Variants in PCDHGB5 observed in about 807,000 individuals in gnomAD.
PCDHGB5 encodes the protein protocadherin gamma-B5.
PCDHGB5 carries 48 observed loss-of-function variants against 62.9 expected under a neutral mutation model. That is an observed-to-expected ratio of 0.76 (90% confidence interval 0.61 to 0.97). PCDHGB5 has a LOEUF of 0.97. Among genes scored for constraint, PCDHGB5 ranks in the 50% least tolerant of loss-of-function variants. The pLI is 0.00. For synonymous variants in PCDHGB5, 474 were observed against 511.2 expected (o/e 0.93, Z 0.98); for missense variants, 1,118 against 1,198.6 (o/e 0.93, Z 0.99).
chr5:141,413,762 C>T (rs538764130), intron 1 of PCDHGB5: 3 of 1,612,894 alleles, frequency 1.9e-6, no homozygotes, highest in Admixed American at 1.7e-5. Flanking sequence ...GTCAAGTACC[C>T]GGAGCTGGTA....
At chr5:141,469,948 T>C (rs1258593339) in intron 1 of PCDHGB5, among the ~76,000 whole-genome samples, 2 of 152,110 alleles carry the variant, frequency 1.3e-5, no homozygotes, top group Admixed American at 1.3e-4. Flanking sequence ...CTGGCCAGCA[T>C]GGTGAAACCC....
intron 1 of PCDHGB5, among the ~76,000 whole-genome samples, chr5:141,474,357 T>G (rs185194067): frequency 2.0e-4 from 30 of 152,302 alleles, no homozygotes; most frequent in African/African-American, 6.5e-4. Context: ...AAGTCATGTC[T>G]CAGTAGGTCT....
In PCDHGB5 at chr5:141,511,261, G is replaced by A; in HGVS notation, c.*88G>A. On this transcript the variant is annotated 3_prime_UTR_variant, in exon 4 of 4. Transcript: ENST00000617380. The stretch of plus-strand genomic sequence containing the variant: ...CTGCACCCAGGCCTCAGAGTTTCAG[G>A]GCTAACCCCCAGAATACTGGTAGGG... 2 of 1,557,474 alleles carry A rather than the reference G, an allele frequency of 1.3e-6. No homozygotes were observed. The highest frequency in any genetic ancestry group is 1.4e-5 in the African/African-American group (1 of 73,440).
intron 2 of PCDHGB5, 84 bp downstream of exon 2, chr5:141,494,949 C>A (rs1193148622): frequency 6.2e-7 from 1 of 1,606,850 alleles, no homozygotes; most frequent in Non-Finnish European, 8.5e-7. Context: ...GAGGGCCCAG[C>A]ATTTGCTACA....
Position 141,423,542 on chromosome 5 carries a change from C to T in PCDHGB5, c.2397+23018C>T, listed in dbSNP as rs755766737. 4.3e-6 allele frequency: 7 copies of T among 1,613,616 alleles called. No individual in the cohort carries two copies. The African/African-American group carries it at 6.7e-5, about 15-fold the overall frequency. The stretch of plus-strand genomic sequence containing the variant: ...TCGCAGAAGAGTCACCTGATTTTCC[C>T]CCAGCCCAACTATGGGGACACGCTC... On this transcript the variant is annotated intron_variant, in intron 1 of 3. Transcript: ENST00000617380.
rs1333419586 is a variant in PCDHGB5 at position 141,485,206 on chromosome 5, C to T, written c.2398-9601C>T. 1 of 1,614,116 alleles carries T rather than the reference C, an allele frequency of 6.2e-7. No individual in the cohort carries two copies. The highest frequency in any genetic ancestry group is 8.5e-7 in the Non-Finnish European group (1 of 1,179,946). ...GCAAGGTGAGAAGCTGGACAGAAAT[C>T]TGGCGGTGGGCTACCCTTTTGTTCC... On this transcript the variant is annotated intron_variant, in intron 1 of 3. Coordinates refer to ENST00000617380, the MANE Select transcript of PCDHGB5 (RefSeq NM_018925.3). The surrounding 1 kb of genome is among the most constrained non-coding windows in gnomAD (Gnocchi z 5.7).
In PCDHGB5 at chr5:141,398,815, A is replaced by G. The variant is rs1369560562; in HGVS notation, c.688A>G (p.Ile230Val). Residue 230 changes from isoleucine (I) to valine (V), a missense_variant, in exon 1 of 4, where the codon ATC (isoleucine) becomes GTC (valine). Ile to Val is a conservative substitution (Grantham distance 29). Coordinates refer to ENST00000617380, the MANE Select transcript of PCDHGB5 (RefSeq NM_018925.3). ...CCTAAGCGGCACCACTGAGCTCCGG[A>G]TCCAGGTAACCGACGCCAATGATAA... Reference protein sequence around the residue: ...PPLSGTTELRIQVTDANDNPP... With the variant: ...PPLSGTTELRVQVTDANDNPP... 1 of 1,613,870 alleles carries G rather than the reference A, an allele frequency of 6.2e-7. No individual in the cohort carries two copies. The highest frequency in any genetic ancestry group is 2.2e-5 in the East Asian group (1 of 44,890).
In PCDHGB5 at chr5:141,423,718, A is replaced by G. The variant is rs1450410707; in HGVS notation, c.2397+23194A>G. The G allele has an allele frequency of 4.8e-6, 5 of 1,049,028 alleles. No homozygotes were observed. In the East Asian group the frequency reaches 2.9e-4, roughly 60 times the overall value. 65.0% of individuals were successfully genotyped at this position (1,049,028 alleles called of 1,614,324 possible). On this transcript the variant is annotated intron_variant, in intron 1 of 3. Coordinates refer to ENST00000617380, the MANE Select transcript of PCDHGB5 (RefSeq NM_018925.3). The stretch of plus-strand genomic sequence containing the variant: ...GTGTCTTGGCACAAGTCTTTTAAGG[A>G]GATGTTTTTTGAGCCTGTTATGAAA...
chr5:141,470,837 G>A (rs932315417), intron 1 of PCDHGB5, among the ~76,000 whole-genome samples: 4 of 151,948 alleles, frequency 2.6e-5, no homozygotes, highest in Non-Finnish European at 4.4e-5. Flanking sequence ...ACAAACACAC[G>A]CCACCATGCT....
intron 1 of PCDHGB5, chr5:141,408,120 C>T (rs1375123891): frequency 3.4e-6 from 5 of 1,475,704 alleles, no homozygotes. Flanking sequence ...TCCTCCTGTC[C>T]TGGGCCGAAT....
chr5:141,428,061 G>A (rs755817800), intron 1 of PCDHGB5: 1 of 1,609,154 alleles, frequency 6.2e-7, no homozygotes, highest in South Asian at 1.1e-5. Flanking sequence ...GGTGGCGGTG[G>A]ACGCAGATTC....
chr5:141,421,353 G>C, intron 1 of PCDHGB5: 1 of 1,613,998 alleles, frequency 6.2e-7, no homozygotes, highest in Non-Finnish European at 8.5e-7. Flanking sequence ...AGACCGAAAA[G>C]GGCTCCTTCG....
chr5:141,421,614 T>C (rs552534116), intron 1 of PCDHGB5: 3 of 1,613,810 alleles, frequency 1.9e-6, no homozygotes, highest in South Asian at 2.2e-5. Flanking sequence ...ATATTAATGA[T>C]AACGCCCCCA....
intron 3 of PCDHGB5, 162 bp downstream of exon 3, chr5:141,505,643 T>C: frequency 1.0e-6 from 1 of 967,852 alleles, no homozygotes. Context: ...AAGCCTGGAA[T>C]TGTGGCTAAG....
rs1554175372 is a variant in PCDHGB5, at chr5:141,490,827, G to A, written c.2398-3980G>A. ...CCTTTGACTATGAATTGCTGCAGAT[G>A]CTGCAGATTGTGGTGGGGGTTCGAG... On this transcript the variant is annotated intron_variant, in intron 1 of 3. Transcript: ENST00000617380. This position sits in a 1 kb window ranked among gnomAD's most constrained non-coding sequence, Gnocchi z 5.4. 1 of 1,613,744 alleles carries A rather than the reference G, an allele frequency of 6.2e-7. No individual in the cohort carries two copies. Among genetic ancestry groups the A allele is most frequent in the Non-Finnish European group, 8.5e-7 (1 of 1,179,828 alleles).
intron 1 of PCDHGB5, among the ~76,000 whole-genome samples, chr5:141,434,029 A>C (rs970204484): frequency 2.6e-5 from 4 of 152,126 alleles, no homozygotes; most frequent in Admixed American, 2.6e-4. Context: ...TTCTGGAAGC[A>C]TGGTTTTCTA....
intron 1 of PCDHGB5, among the ~76,000 whole-genome samples, chr5:141,446,022 T>C (rs2098484874): frequency 1.3e-5 from 2 of 152,198 alleles, no homozygotes; most frequent in Admixed American, 1.3e-4. Flanking sequence ...TATGGCAATA[T>C]TCCTGGTAAG....
chr5:141,471,717 C>T (rs1196344901), intron 1 of PCDHGB5, among the ~76,000 whole-genome samples: 1 of 152,022 alleles, frequency 6.6e-6, no homozygotes, highest in Non-Finnish European at 1.5e-5. Flanking sequence ...GTGCCACTTA[C>T]CAGGTAAGGA....
chr5:141,417,618 G>A (rs370911891), intron 1 of PCDHGB5: 3 of 654,230 alleles, frequency 4.6e-6, no homozygotes, highest in Non-Finnish European at 7.4e-6. Context: ...CCAGTGCAGA[G>A]CAAGCGCTGA....
Sources: gnomAD v4.1 joint callset for allele counts (sites outside exome capture counted in the v4.1 genomes callset) on GRCh38, gnomAD v4.1.1 for gene constraint, Gnocchi (gnomAD v3.1) non-coding constraint, MANE v1.5 for transcripts, NCBI Gene and HGNC (gene_info 2026-07-23, HGNC 2026-07-21) for gene names.